ERG: variants seen among roughly 807,000 people sequenced by gnomAD.
The protein encoded by ERG is ETS transcription factor ERG, also known as transcriptional regulator ERG.
ERG carries 9 observed loss-of-function variants against 55.3 expected under a neutral mutation model. That is an observed-to-expected ratio of 0.16 (90% CI 0.10 to 0.28). The LOEUF is 0.28. Among genes scored for constraint, ERG ranks in the 10% least tolerant of loss-of-function variants. The pLI is 1.00. For synonymous variants in ERG, 223 were observed against 237.3 expected (o/e 0.94, Z 0.55); for missense variants, 434 against 631.6 (o/e 0.69, Z 3.35).
chr21:38,499,906 G>C (rs371921764), upstream of ERG, among the ~76,000 whole-genome samples: 124 of 152,170 alleles, frequency 8.1e-4, 1 homozygote, highest in Non-Finnish European at 1.6e-3. Context: ...AAAAGAAAGA[G>C]AGTATATTGT....
rs569252923 is a variant in ERG, at chr21:38,513,100, G to C, written c.-41+62562C>G. On this transcript the variant is annotated intron_variant, in intron 2 of 8. Coordinates refer to the ERG transcript ENST00000398897. Reference sequence around the variant, plus strand: ...GAGCCAAGATCATGCCACTGCACTCGAGCCTGACAACAGAGTAAGACTCCG... The same window carrying C: ...GAGCCAAGATCATGCCACTGCACTCCAGCCTGACAACAGAGTAAGACTCCG... 1.7e-3 allele frequency among the ~76,000 whole-genome samples: 262 copies of C among 150,002 alleles called. 2 individuals are homozygous for C. The highest frequency in any genetic ancestry group is 5.9e-3 in the African/African-American group (242 of 40,768).
At chr21:38,446,566 TATAAC>T (rs1370394123) in intron 1 of ERG, among the ~76,000 whole-genome samples, 57 of 152,200 alleles carry the variant, frequency 3.7e-4, no homozygotes, top group South Asian at 2.1e-4. Context: ...TTTTGGTTCT[TATAAC>T]AGACAAAAAG....
chr21:38,447,612 T>C (rs1038115627), intron 1 of ERG, among the ~76,000 whole-genome samples: 5 of 150,934 alleles, frequency 3.3e-5, no homozygotes, highest in Admixed American at 2.0e-4. Flanking sequence ...TCTAAACACA[T>C]AGATGTGGGT....
chr21:38,520,688 A>G (rs2059588113), intron 2 of ERG, among the ~76,000 whole-genome samples: 1 of 152,200 alleles, frequency 6.6e-6, no homozygotes. Flanking sequence ...TCATTCCAGG[A>G]GTTTCTGCAG....
intron 1 of ERG, among the ~76,000 whole-genome samples, chr21:38,620,725 G>T (rs142551408): frequency 1.3e-5 from 2 of 152,292 alleles, no homozygotes; most frequent in African/African-American, 4.8e-5. Flanking sequence ...TATTGCCCAA[G>T]GACAGGCTTT....
At chr21:38,458,221 C>T (rs943086606) in intron 1 of ERG, among the ~76,000 whole-genome samples, 15 of 151,956 alleles carry the variant, frequency 9.9e-5, no homozygotes, top group African/African-American at 3.4e-4. Context: ...GTCAGGAGTT[C>T]GAGACCAGCC....
chr21:38,572,249 T>A (rs1430250743), intron 2 of ERG, among the ~76,000 whole-genome samples: 3 of 147,292 alleles, frequency 2.0e-5, no homozygotes, highest in Non-Finnish European at 4.4e-5. Context: ...GTGCCTGTAG[T>A]CCCAGCTACT....
intron 1 of ERG, among the ~76,000 whole-genome samples, chr21:38,631,934 T>C (rs180679666): frequency 7.2e-5 from 11 of 152,110 alleles, no homozygotes; most frequent in African/African-American, 2.2e-4. Flanking sequence ...CATCACTCCA[T>C]TAACATCATC....
chr21:38,529,151 T>G (rs2059653661), intron 2 of ERG, among the ~76,000 whole-genome samples: 1 of 151,988 alleles, frequency 6.6e-6, no homozygotes, highest in Non-Finnish European at 1.5e-5. Context: ...GGAGCTTGGA[T>G]TTTATCCACA....
intron 1 of ERG, among the ~76,000 whole-genome samples, chr21:38,652,492 A>T (rs62217513): frequency 0.39 from 58,771 of 151,934 alleles, 12,400 homozygotes; most frequent in Middle Eastern, 0.54. Context: ...ATAAAGATGA[A>T]GCTAAAGAGA....
intron 3 of ERG, among the ~76,000 whole-genome samples, chr21:38,414,819 A>ATTT (rs35398942): frequency 2.7e-5 from 4 of 150,144 alleles, no homozygotes; most frequent in African/African-American, 7.3e-5. Context: ...TATTTTAAAC[A>ATTT]TTTTTTTTTT....
intron 3 of ERG, among the ~76,000 whole-genome samples, chr21:38,416,185 C>T (rs1989270223): frequency 6.6e-6 from 1 of 152,190 alleles, no homozygotes; most frequent in Non-Finnish European, 1.5e-5. Flanking sequence ...TGCTGGGTGT[C>T]TGTCCTCTAC....
At chr21:38,489,072 G>A (rs1029840348) in intron 1 of ERG, among the ~76,000 whole-genome samples, 6 of 152,172 alleles carry the variant, frequency 3.9e-5, no homozygotes, top group East Asian at 1.9e-4. Context: ...GCATCAGTGC[G>A]TCTCTGGTTG....
chr21:38,651,716 C>A (rs975003788), intron 1 of ERG, among the ~76,000 whole-genome samples: 2 of 152,140 alleles, frequency 1.3e-5, no homozygotes, highest in Admixed American at 6.5e-5. Context: ...TACACGGACT[C>A]TGCCTCCACG....
At chr21:38,588,897 TA>T (rs3216105), upstream of ERG, among the ~76,000 whole-genome samples, 69,577 of 151,120 alleles carry the variant, frequency 0.46, 16,180 homozygotes, top group Middle Eastern at 0.58. Flanking sequence ...GGCTAATTTT[TA>T]AAAAAAAAAT....
intron 3 of ERG, among the ~76,000 whole-genome samples, chr21:38,420,906 T>C (rs1457534508): frequency 6.6e-6 from 1 of 152,142 alleles, no homozygotes; most frequent in Non-Finnish European, 1.5e-5. Flanking sequence ...TTGTTTTGTC[T>C]CCTTTGAAGA....
At chr21:38,521,591 G>C (rs1004679770) in intron 2 of ERG, among the ~76,000 whole-genome samples, 1 of 152,160 alleles carries the variant, frequency 6.6e-6, no homozygotes, top group African/African-American at 2.4e-5. Context: ...TCATCACCAG[G>C]TGAATAAAAT....
At chr21:38,566,103 T>C (rs1161072189) in intron 2 of ERG, among the ~76,000 whole-genome samples, 2 of 152,138 alleles carry the variant, frequency 1.3e-5, no homozygotes, top group East Asian at 1.9e-4. Flanking sequence ...TGGAGAAGTA[T>C]AGATGGGCAG....
At chr21:38,440,217 A>C (rs972928211) in intron 2 of ERG, among the ~76,000 whole-genome samples, 7 of 152,176 alleles carry the variant, frequency 4.6e-5, no homozygotes, top group Admixed American at 4.6e-4. Flanking sequence ...GGGCCAGGAG[A>C]TGGGCTAACT....
Sources: allele counts gnomAD v4.1 joint callset (sites outside exome capture counted in the v4.1 genomes callset), GRCh38; gene constraint gnomAD v4.1.1; transcripts MANE v1.5; gene names NCBI Gene and HGNC (gene_info 2026-07-23, HGNC 2026-07-21).